TBC1D5: variants seen among roughly 807,000 people sequenced by gnomAD.
The protein encoded by TBC1D5 is TBC1 domain family member 5, also known as TBC1 domain family, member 5.
A neutral mutation model predicts 100.3 loss-of-function variants in TBC1D5; 75 were observed. That is an observed-to-expected ratio of 0.75 (90% confidence interval 0.62 to 0.91). TBC1D5 has a LOEUF of 0.91. Ranked by LOEUF, TBC1D5 falls within the 40% of genes least tolerant of loss-of-function variation. The pLI is 0.00. For missense variants in TBC1D5, 910 were observed against 942.4 expected, an observed-to-expected ratio of 0.97 and a Z score of 0.45; for synonymous variants, 323 against 325.6, an observed-to-expected ratio of 0.99 and a Z score of 0.09.
At chr3:17,566,327 G>T (rs1486742608) in intron 2 of TBC1D5, among the ~76,000 whole-genome samples, 1 of 151,756 alleles carries the variant, frequency 6.6e-6, no homozygotes, top group Non-Finnish European at 1.5e-5. Context: ...TCTAAAAACT[G>T]ATAAGTAGGG....
intron 19 of TBC1D5, among the ~76,000 whole-genome samples, chr3:17,180,751 T>TA (rs1236827071): frequency 6.6e-6 from 1 of 151,930 alleles, no homozygotes; most frequent in Non-Finnish European, 1.5e-5. Context: ...CATGGAATAA[T>TA]AGACACTGGA....
chr3:17,541,412 C>T (rs1201951508), intron 2 of TBC1D5, among the ~76,000 whole-genome samples: 1 of 152,038 alleles, frequency 6.6e-6, no homozygotes, highest in Non-Finnish European at 1.5e-5. Context: ...ATAAGGCTTT[C>T]ACTTCCCTGG....
At chr3:17,739,900 G>A (rs1330734364) in exon 1 of TBC1D5, 1 of 152,312 alleles carries the variant, frequency 6.6e-6, no homozygotes, top group Non-Finnish European at 1.5e-5. Flanking sequence ...AGCTCCTGAG[G>A]AGGCTGAGGC....
At chr3:17,691,108 A>G (rs1456407537) in intron 1 of TBC1D5, among the ~76,000 whole-genome samples, 2 of 152,234 alleles carry the variant, frequency 1.3e-5, no homozygotes, top group African/African-American at 4.8e-5. Flanking sequence ...TGATGGCTGC[A>G]CAAGGCTTAG....
intron 19 of TBC1D5, among the ~76,000 whole-genome samples, chr3:17,174,905 C>T (rs561771346): frequency 6.6e-6 from 1 of 152,134 alleles, no homozygotes; most frequent in African/African-American, 2.4e-5. Context: ...ACTGTTTTTA[C>T]ATGAGAGAGC....
At chr3:17,607,213 T>C (rs1156886971) in intron 2 of TBC1D5, among the ~76,000 whole-genome samples, 1 of 152,174 alleles carries the variant, frequency 6.6e-6, no homozygotes. Flanking sequence ...CGTAATACAA[T>C]CCATCAATAC....
chr3:17,705,769 C>T (rs1264632329), intron 1 of TBC1D5, among the ~76,000 whole-genome samples: 9 of 138,384 alleles, frequency 6.5e-5, no homozygotes, highest in Admixed American at 6.4e-4. Flanking sequence ...CCAGACTGGG[C>T]AGCCAGGCAG....
At chr3:17,589,964 G>A (rs547616428) in intron 2 of TBC1D5, among the ~76,000 whole-genome samples, 16 of 152,314 alleles carry the variant, frequency 1.1e-4, no homozygotes, top group African/African-American at 3.1e-4. Flanking sequence ...CCAGAGATCA[G>A]TTTGAAATGG....
chr3:17,597,541 A>G (rs2060648359), intron 2 of TBC1D5, among the ~76,000 whole-genome samples: 1 of 152,220 alleles, frequency 6.6e-6, no homozygotes, highest in African/African-American at 2.4e-5. Context: ...GGTTTACATT[A>G]TCATTACCCA....
intron 14 of TBC1D5, among the ~76,000 whole-genome samples, chr3:17,302,599 G>A (rs1373568675): frequency 6.6e-6 from 1 of 152,080 alleles, no homozygotes; most frequent in Non-Finnish European, 1.5e-5. Flanking sequence ...AGAAACTGAT[G>A]AAAACTATAG....
chr3:17,374,759 G>C, intron 10 of TBC1D5, 80 bp from the exon 11 acceptor site: 1 of 1,427,316 alleles, frequency 7.0e-7, no homozygotes, highest in Non-Finnish European at 9.6e-7. Context: ...TTCTATATAA[G>C]ACAACTTTCA....
At chr3:17,510,183 G>A (rs1269832492) in intron 2 of TBC1D5, among the ~76,000 whole-genome samples, 4 of 151,988 alleles carry the variant, frequency 2.6e-5, no homozygotes, top group Non-Finnish European at 5.9e-5. Flanking sequence ...ACCTATGGAG[G>A]AAAAGCTCCA....
At chr3:17,507,589 T>A (rs957766709) in intron 3 of TBC1D5, among the ~76,000 whole-genome samples, 3 of 152,086 alleles carry the variant, frequency 2.0e-5, no homozygotes, top group African/African-American at 7.2e-5. Flanking sequence ...ACAGAAAAAA[T>A]CATTTTGTTT....
At chr3:17,394,312 T>G (rs1281585325) in intron 8 of TBC1D5, among the ~76,000 whole-genome samples, 1 of 152,136 alleles carries the variant, frequency 6.6e-6, no homozygotes, top group African/African-American at 2.4e-5. Context: ...AAACATTTCT[T>G]GAAGAAGCAT....
At chr3:17,308,265 T>C in intron 13 of TBC1D5, 131 bp from the exon 14 acceptor site, 3 of 849,342 alleles carry the variant, frequency 3.5e-6, no homozygotes, top group Non-Finnish European at 4.9e-6. Context: ...AAATATAATA[T>C]AGTAAAATCT....
chr3:17,517,490 AACC>A (rs2096006027), intron 2 of TBC1D5, among the ~76,000 whole-genome samples: 1 of 152,234 alleles, frequency 6.6e-6, no homozygotes, highest in African/African-American at 2.4e-5. Context: ...ATAATAAAAG[AACC>A]ACATACAGGT....
At position 17,502,656 on chromosome 3, in the gene TBC1D5, A is replaced by T. The variant is rs533241820; in HGVS notation, c.97+5818T>A. Among the ~76,000 whole-genome samples the T allele has an allele frequency of 5.0e-4, 75 of 149,578 alleles. 7 individuals are homozygous for T. Among genetic ancestry groups the T allele is most frequent in the African/African-American group, 1.8e-3 (71 of 39,432 alleles). ...TACATCAAAATCATTAGGGTGTCTCATTTGAATGCCCTAAGGTACTTCTAA... is the reference window on the plus strand; with the variant it reads ...TACATCAAAATCATTAGGGTGTCTCTTTTGAATGCCCTAAGGTACTTCTAA... On this transcript the variant is annotated intron_variant, in intron 3 of 21. Transcript: ENST00000253692.
chr3:17,529,973 G>A (rs2096197239), intron 2 of TBC1D5, among the ~76,000 whole-genome samples: 1 of 152,130 alleles, frequency 6.6e-6, no homozygotes, highest in African/African-American at 2.4e-5. Flanking sequence ...CCTGGGCACG[G>A]TGCCTCACAC....
intron 1 of TBC1D5, among the ~76,000 whole-genome samples, chr3:17,664,576 G>C (rs1171922099): frequency 6.6e-6 from 1 of 152,168 alleles, no homozygotes; most frequent in Non-Finnish European, 1.5e-5. Flanking sequence ...TGGGGAGGGA[G>C]AGAGGGACAG....
Sources: allele counts gnomAD v4.1 joint callset (sites outside exome capture counted in the v4.1 genomes callset), GRCh38; gene constraint gnomAD v4.1.1; transcripts MANE v1.5; gene names NCBI Gene and HGNC (gene_info 2026-07-23, HGNC 2026-07-21).